The following DMD variants were observed in gnomAD, a reference collection of about 807,000 sequenced individuals.
The protein encoded by DMD is mutant dystrophin.
Under a neutral mutation model 330.1 loss-of-function variants are expected in DMD, and 63 were observed. The observed-to-expected ratio is 0.19, with a 90% CI of 0.16 to 0.24. The LOEUF (loss-of-function observed/expected upper bound fraction) is 0.24. DMD is among the 10% of genes least tolerant of loss of function. The pLI, the probability that DMD is intolerant of heterozygous loss-of-function variation, is 1.00. For missense variants in DMD, 3,344 were observed against 2,684.1 expected, an observed-to-expected ratio of 1.25 and a Z score of -5.43; for synonymous variants, 1,223 against 959.8, an observed-to-expected ratio of 1.27 and a Z score of -5.07.
intron 62 of DMD, among the ~76,000 whole-genome samples, chrX:31,272,325 T>C (rs749359692): frequency 1.6e-4 from 18 of 112,240 alleles, no homozygotes; most frequent in African/African-American, 5.5e-4. Context: ...CCTATTAGCC[T>C]GCCAGCTATA....
chrX:32,934,432 C>T (rs747065296), intron 2 of DMD, among the ~76,000 whole-genome samples: 1 of 110,512 alleles, frequency 9.0e-6, no homozygotes, highest in Non-Finnish European at 1.9e-5. Context: ...TGGCACCCAC[C>T]TGTAATCCCA....
At chrX:32,731,342 C>T (rs1033835814) in intron 7 of DMD, among the ~76,000 whole-genome samples, 2 of 112,343 alleles carry the variant, frequency 1.8e-5, no homozygotes, top group African/African-American at 6.5e-5. Flanking sequence ...GGGAGGGGCA[C>T]CCGCCATTGC....
In DMD at chrX:33,051,368, C is replaced by T. The variant is rs776163455; in HGVS notation, c.32-31168G>A. On this transcript the variant is annotated intron_variant, in intron 1 of 78. Coordinates refer to ENST00000357033, the MANE Select transcript of DMD (RefSeq NM_004006.3). ...CTGGGATTAGAGGCACCCACCACCA[C>T]GCCTGGCTAATTGTTGTATTTTTAG... Among the ~76,000 whole-genome samples, 4 of 108,315 alleles carry T rather than the reference C, an allele frequency of 3.7e-5. No individual in the cohort carries two copies. The South Asian group carries it at 1.7e-3, about 45-fold the overall frequency. The allele number at this position is 108,315 out of a possible 115,157, so 94.1% of individuals were successfully genotyped here. A position where few individuals can be genotyped will look rare whatever the true frequency, so the allele number is the denominator to read the frequency against.
intron 16 of DMD, among the ~76,000 whole-genome samples, chrX:32,552,201 A>C (rs1285650415): frequency 8.9e-6 from 1 of 112,111 alleles, no homozygotes; most frequent in Non-Finnish European, 1.9e-5. Flanking sequence ...AGCTGGAACC[A>C]TCCCATTGCC....
intron 13 of DMD, among the ~76,000 whole-genome samples, chrX:32,576,252 T>C (rs1328400225): frequency 2.7e-5 from 3 of 111,693 alleles, no homozygotes; most frequent in Non-Finnish European, 5.6e-5. Context: ...TTTTCTTTCT[T>C]CGCAATTTCA....
intron 59 of DMD, among the ~76,000 whole-genome samples, chrX:31,449,795 TATAGATAG>T (rs58546089): frequency 2.5e-5 from 2 of 81,281 alleles, no homozygotes; most frequent in East Asian, 4.0e-4. Flanking sequence ...TATATATATA[TATAGATAG>T]ATAGATAGAT....
At chrX:33,046,189 T>C (rs781180762) in intron 1 of DMD, among the ~76,000 whole-genome samples, 1 of 111,564 alleles carries the variant, frequency 9.0e-6, no homozygotes, top group South Asian at 3.8e-4. Flanking sequence ...ATGTGACCGG[T>C]AGACCTGAAA....
At chrX:32,671,094 G>A (rs896354329) in intron 9 of DMD, among the ~76,000 whole-genome samples, 25 of 110,691 alleles carry the variant, frequency 2.3e-4, no homozygotes, top group African/African-American at 8.2e-4. Flanking sequence ...CTACAAGTGG[G>A]TCGGTACAAA....
intron 29 of DMD, among the ~76,000 whole-genome samples, chrX:32,430,635 C>G (rs2098234325): frequency 9.0e-6 from 1 of 111,681 alleles, no homozygotes; most frequent in Non-Finnish European, 1.9e-5. Flanking sequence ...AGGCAATATG[C>G]TTTACAGTAG....
chrX:31,363,945 T>C (rs945774932), intron 60 of DMD, among the ~76,000 whole-genome samples: 2 of 111,973 alleles, frequency 1.8e-5, no homozygotes, highest in African/African-American at 6.6e-5. Context: ...CTCTACTTCA[T>C]ATACACAGAT....
At chrX:32,199,633 T>C (rs1227616931) in intron 44 of DMD, among the ~76,000 whole-genome samples, 1 of 109,485 alleles carries the variant, frequency 9.1e-6, no homozygotes, top group Non-Finnish European at 1.9e-5. Context: ...CTTTTTTTTT[T>C]GAGACAGTCT....
At chrX:33,096,130 A>G (rs999282987) in intron 1 of DMD, among the ~76,000 whole-genome samples, 35 of 108,363 alleles carry the variant, frequency 3.2e-4, no homozygotes, top group African/African-American at 7.0e-4. Flanking sequence ...GCCTGCCACC[A>G]CGCCCGGCTA....
At chrX:31,603,758 C>T (rs189459193) in intron 55 of DMD, among the ~76,000 whole-genome samples, 44 of 111,879 alleles carry the variant, frequency 3.9e-4, no homozygotes, top group African/African-American at 1.2e-3. Flanking sequence ...CTTTCTATTA[C>T]CTATGTTTCC....
At chrX:32,334,963 G>A (rs748553191) in intron 41 of DMD, among the ~76,000 whole-genome samples, 40 of 110,877 alleles carry the variant, frequency 3.6e-4, no homozygotes, top group Non-Finnish European at 6.2e-4. Context: ...CAAGTTTGGC[G>A]TCTTCCATTT....
At chrX:32,278,534 GA>G (rs1015760868) in intron 43 of DMD, among the ~76,000 whole-genome samples, 2 of 110,873 alleles carry the variant, frequency 1.8e-5, no homozygotes, top group African/African-American at 6.6e-5. Flanking sequence ...AAACGTACAA[GA>G]AAAAAACAAA....
intron 64 of DMD, among the ~76,000 whole-genome samples, chrX:31,212,603 A>G (rs2044850731): frequency 9.0e-6 from 1 of 111,619 alleles, no homozygotes; most frequent in Admixed American, 9.5e-5. Context: ...AACTCTTGCT[A>G]TTCCTTCCTA....
chrX:31,126,074 G>T (rs1378282807), intron 78 of DMD, among the ~76,000 whole-genome samples: 1 of 111,581 alleles, frequency 9.0e-6, no homozygotes, highest in East Asian at 2.8e-4. Context: ...TCACAGGTTT[G>T]TCATGAAGAT....
chrX:31,140,390 G>A (rs767423396), intron 76 of DMD, among the ~76,000 whole-genome samples: 2 of 111,633 alleles, frequency 1.8e-5, no homozygotes, highest in Non-Finnish European at 3.8e-5. Context: ...GAACAAATAC[G>A]CCCACCAACA....
intron 7 of DMD, among the ~76,000 whole-genome samples, chrX:32,793,391 A>C (rs1052178967): frequency 3.6e-5 from 4 of 111,629 alleles, no homozygotes; most frequent in African/African-American, 1.3e-4. Context: ...AAAGAAAAAA[A>C]AACAAACCAA....
Sources: allele counts gnomAD v4.1 joint callset (sites outside exome capture counted in the v4.1 genomes callset), GRCh38; gene constraint gnomAD v4.1.1; transcripts MANE v1.5; gene names NCBI Gene and HGNC (gene_info 2026-07-23, HGNC 2026-07-21).